ERN2: variants seen among roughly 807,000 people sequenced by gnomAD.
The protein encoded by ERN2 is serine/threonine-protein kinase/endoribonuclease IRE2.
ERN2 carries 111 observed loss-of-function variants against 107.9 expected under a neutral mutation model. The observed-to-expected ratio is 1.03, with a 90% confidence interval of 0.88 to 1.20. The LOEUF (loss-of-function observed/expected upper bound fraction) is 1.20. Among genes scored for constraint, ERN2 ranks in the 50% most tolerant of loss-of-function variants. The pLI is 0.00. For missense variants in ERN2, 1,225 were observed against 1,197.9 expected (o/e 1.02, Z -0.33); for synonymous variants, 524 against 501.7 (o/e 1.04, Z -0.59).
chr16:23,710,700 C>T, intron 2 of ERN2, 151 bp from the exon 3 acceptor site: 1 of 1,010,378 alleles, frequency 9.9e-7, no homozygotes, highest in African/African-American at 1.6e-5. Flanking sequence ...CAGATAGGGT[C>T]ATATCCTTTG....
chr16:23,692,024 G>A lies in ERN2; in HGVS notation c.2315C>T (p.Ala772Val), dbSNP rs761212195. Reference protein sequence around the residue: ...LSPLPQPRPSAPQVLAHPFFW... With the variant: ...LSPLPQPRPSVPQVLAHPFFW... ...GAAGGGGTGGGCCAGCACCTGGGGG[G>A]CAGAGGGGCGTGGCTGCGGCAGTGG... The change falls in exon 19 of 22, where the codon GCC becomes GTC. Residue 772 changes from alanine to valine, a missense_variant. Ala to Val is a moderately conservative substitution (Grantham distance 64). Transcript: ENST00000256797. 2.4e-5 allele frequency: 38 copies of A among 1,613,834 alleles called. No individual in the cohort carries two copies. The highest frequency in any genetic ancestry group is 1.2e-4 in the Admixed American group (7 of 59,986).
chr16:23,703,974 G>C (rs998282765), intron 8 of ERN2, among the ~76,000 whole-genome samples: 8 of 151,694 alleles, frequency 5.3e-5, no homozygotes, highest in Non-Finnish European at 8.8e-5. Flanking sequence ...CATTAGACTC[G>C]GGTTCCTGAG....
intron 13 of ERN2, among the ~76,000 whole-genome samples, chr16:23,700,214 G>A (rs1959989057): frequency 6.6e-6 from 1 of 152,164 alleles, no homozygotes; most frequent in African/African-American, 2.4e-5. Flanking sequence ...GTTTATGCCT[G>A]TAGTCACAGC....
chr16:23,695,159 G>C (rs528801118), intron 15 of ERN2, 41 bp from the exon 16 acceptor site: 1 of 1,613,598 alleles, frequency 6.2e-7, no homozygotes, highest in South Asian at 1.1e-5. Context: ...CTCCAGCCCG[G>C]ACCTTCCCAC....
chr16:23,710,349 T>C (rs535858986), intron 3 of ERN2, 105 bp from the exon 4 acceptor site: 2 of 1,227,438 alleles, frequency 1.6e-6, no homozygotes, highest in East Asian at 2.3e-5. Flanking sequence ...CCTGTTCTTG[T>C]AGGAAACATC....
intron 13 of ERN2, 130 bp from the exon 14 acceptor site, chr16:23,696,108 A>C (rs1349801393): frequency 1.5e-6 from 1 of 677,022 alleles, no homozygotes; most frequent in Non-Finnish European, 2.7e-6. Flanking sequence ...AGTGGGTAAG[A>C]GCAAGGGCCC....
intron 12 of ERN2, 36 bp from the exon 13 acceptor site, chr16:23,700,740 C>T: frequency 1.3e-6 from 2 of 1,585,698 alleles, no homozygotes; most frequent in Non-Finnish European, 1.7e-6. Context: ...TTTGTCCTGG[C>T]CACGCCCTGC....
At position 23,695,086 on chromosome 16, in the gene ERN2, AC is replaced by A; in HGVS notation, c.1832del (p.Gly611ValfsTer11). ...YVENPDLDRG[G>X]LEPEVVLQQL... Reference sequence around the variant, plus strand: ...GCTGCAGCACGACCTCGGGCTCCAGACCCCCGCGATCCAGGTCCGGGTTTTC... The same window carrying A: ...GCTGCAGCACGACCTCGGGCTCCAGACCCCGCGATCCAGGTCCGGGTTTTC... On this transcript the variant is annotated frameshift_variant, in exon 16 of 22. Coordinates refer to ENST00000256797, the MANE Select transcript of ERN2 (RefSeq NM_033266.4). LOFTEE classifies it high-confidence loss of function. 6.2e-7 allele frequency: 1 copy of A among 1,613,580 alleles called. No homozygotes were observed. The highest frequency in any genetic ancestry group is 8.5e-7 in the Non-Finnish European group (1 of 1,179,850).
chr16:23,702,430 G>C lies in ERN2; in HGVS notation c.1041C>G (p.Pro347=), dbSNP rs771858214. 4 of 1,613,672 alleles carry C rather than the reference G, an allele frequency of 2.5e-6. No individual in the cohort carries two copies. The highest frequency in any genetic ancestry group is 2.2e-5 in the South Asian group (2 of 91,088). ...EGSPSTAVRY[P]SGSVALPSQW... is the part of the protein sequence containing the mutation. ...GGCTTGGGAGGGCCACACTGCCTGA[G>C]GGGTATCTAACAGCAGTGCTGGGTG... Residue 347 remains proline (P), a synonymous_variant, in exon 10 of 22, where the codon CCC becomes CCG. Transcript: ENST00000256797.
intron 8 of ERN2, among the ~76,000 whole-genome samples, chr16:23,704,016 T>C (rs1192414113): frequency 1.3e-5 from 2 of 152,204 alleles, no homozygotes; most frequent in African/African-American, 4.8e-5. Flanking sequence ...TTTGCTATTG[T>C]ACTCCCAGAC....
At chr16:23,709,723 C>G (rs112996313) in intron 4 of ERN2, 1 of 178,982 alleles carries the variant, frequency 5.6e-6, no homozygotes, top group Non-Finnish European at 1.2e-5. Flanking sequence ...ATCCAGTTGA[C>G]TAGCAGCTGA....
intron 17 of ERN2, among the ~76,000 whole-genome samples, chr16:23,693,246 A>G (rs1451252757): frequency 6.6e-6 from 1 of 151,766 alleles, no homozygotes. Flanking sequence ...GTAAGCTGTG[A>G]TGGTATGACT....
rs1437378185 is a variant in ERN2, at chr16:23,694,766, C to T, written c.2062G>A (p.Ala688Thr). The T allele has an allele frequency of 6.2e-7, 1 of 1,611,520 alleles. No individual in the cohort carries two copies. Among genetic ancestry groups the T allele is most frequent in the South Asian group, 1.1e-5 (1 of 90,694 alleles). The change falls in exon 17 of 22, where the codon GCG becomes ACG. Residue 688 changes from alanine to threonine, a missense_variant. Transcript: ENST00000256797. ...GGCAGGAGCTGCAGAAGCTCGGGCG[C>T]CATCCAGCCTTCCGTGCCGGGGATG... is the stretch of plus-strand genomic sequence containing the variant. ...SGIPGTEGWM[A>T]PELLQLLPPD...
chr16:23,708,514 A>G (rs1413815575), intron 4 of ERN2, among the ~76,000 whole-genome samples: 1 of 151,526 alleles, frequency 6.6e-6, no homozygotes, highest in Non-Finnish European at 1.5e-5. Context: ...GTGCCACCAC[A>G]CCTGGCTAAT....
chr16:23,700,860 A>G (rs886446506), intron 12 of ERN2, 99 bp downstream of exon 12: 5 of 1,492,696 alleles, frequency 3.3e-6, no homozygotes, highest in African/African-American at 1.4e-5. Context: ...GCAGGGGGCA[A>G]AATCAGAGCT....
chr16:23,710,538 C>T lies in ERN2; in HGVS notation c.211G>A (p.Glu71Lys), dbSNP rs758739777. ...TACTCTGTGACGTACATTGGTCCTT[C>T]GATGACGGGATCTGCAGGGACAGGG... ...KWTLRDDPVIEGPMYVTEMAF... is the reference protein window; with the variant it reads ...KWTLRDDPVIKGPMYVTEMAF... Residue 71 changes from glutamate to lysine, a missense_variant, in exon 3 of 22, where the codon GAA (glutamate) becomes AAA (lysine). Coordinates refer to ENST00000256797, the MANE Select transcript of ERN2 (RefSeq NM_033266.4). 9.9e-6 allele frequency: 16 copies of T among 1,614,166 alleles called. No homozygotes were observed. Among genetic ancestry groups the T allele is most frequent in the Admixed American group, 3.3e-5 (2 of 60,030 alleles).
chr16:23,695,382 A>G lies in ERN2; in HGVS notation c.1618T>C (p.Phe540Leu). The G allele has an allele frequency of 6.3e-7, 1 of 1,592,734 alleles. No individual in the cohort carries two copies. Reference sequence around the variant, plus strand: ...TTGACAGCCACTGCCCGTCCCTCAAACTGTCCCCTGGAAAGTGGGTGATGG... The same window carrying G: ...TTGACAGCCACTGCCCGTCCCTCAAGCTGTCCCCTGGAAAGTGGGTGATGG... The part of the protein sequence containing the change: ...AGGTFVFRGQ[F>L]EGRAVAVKRL... Residue 540 changes from phenylalanine to leucine, a missense_variant, in exon 15 of 22, where the codon TTT (phenylalanine) becomes CTT (leucine). By Grantham distance (22) the Phe-to-Leu change is conservative. Coordinates refer to ENST00000256797, the MANE Select transcript of ERN2 (RefSeq NM_033266.4).
intron 1 of ERN2, chr16:23,712,366 A>G (rs965234345): frequency 5.6e-6 from 1 of 177,850 alleles, no homozygotes; most frequent in Non-Finnish European, 1.2e-5. Context: ...AATCTTTCTC[A>G]TTTCTAATTT....
rs142712134 is a variant in ERN2, at chr16:23,710,986, C to T, written c.126G>A (p.Leu42=). The change falls in exon 2 of 22, where the codon CTG becomes CTA. Residue 42 remains leucine (L), a synonymous_variant. Coordinates refer to ENST00000256797, the MANE Select transcript of ERN2 (RefSeq NM_033266.4). ...VHTLRPENLL[L]VSTLDGSLHA... ...GGAGACTTCCATCCAAGGTGGACAC[C>T]AGCAGGAGGTTCTCTGGCCTGAGAG... The T allele has an allele frequency of 6.5e-4, 1,049 of 1,614,098 alleles. 4 individuals are homozygous for T. The African/African-American group carries it at 0.012, about 19-fold the overall frequency.
Sources: allele counts gnomAD v4.1 joint callset (sites outside exome capture counted in the v4.1 genomes callset), GRCh38; gene constraint gnomAD v4.1.1; transcripts MANE v1.5; gene names NCBI Gene and HGNC (gene_info 2026-07-23, HGNC 2026-07-21).